PHC3: variants seen among roughly 807,000 people sequenced by gnomAD.
The protein encoded by PHC3 is polyhomeotic-like protein 3.
PHC3 carries 13 observed loss-of-function variants against 107.4 expected under a neutral mutation model. That is an observed-to-expected ratio of 0.12 (90% confidence interval 0.08 to 0.19). The LOEUF is 0.19. Ranked by LOEUF, PHC3 falls within the 10% of genes least tolerant of loss-of-function variation. The pLI is 1.00. For missense variants in PHC3, 992 were observed against 1,210.9 expected (o/e 0.82, Z 2.68); for synonymous variants, 456 against 427.4 (o/e 1.07, Z -0.83).
chr3:170,112,912 C>T (rs536823312), intron 11 of PHC3, among the ~76,000 whole-genome samples: 90 of 152,278 alleles, frequency 5.9e-4, no homozygotes, highest in African/African-American at 2.1e-3. Flanking sequence ...AGAGTATATA[C>T]TTAATACAAT....
chr3:170,179,350 C>T (rs1469226379), intron 1 of PHC3, among the ~76,000 whole-genome samples: 1 of 152,150 alleles, frequency 6.6e-6, no homozygotes, highest in African/African-American at 2.4e-5. Context: ...AAACTAAAGT[C>T]ATTCTTACCT....
At chr3:170,136,895 A>G (rs1723165464) in intron 6 of PHC3, among the ~76,000 whole-genome samples, 1 of 151,902 alleles carries the variant, frequency 6.6e-6, no homozygotes, top group African/African-American at 2.4e-5. Flanking sequence ...AGAGAAAAGA[A>G]AAGAGGGAGG....
intron 4 of PHC3, among the ~76,000 whole-genome samples, chr3:170,161,875 C>T (rs1727949977): frequency 6.6e-6 from 1 of 152,168 alleles, no homozygotes; most frequent in African/African-American, 2.4e-5. Flanking sequence ...ACTCTTATGA[C>T]TTCCTTTAAC....
rs966285797 is a variant in PHC3, at chr3:170,117,262, T to G, written c.2157A>C (p.Glu719Asp). 2 of 1,613,966 alleles carry G rather than the reference T, an allele frequency of 1.2e-6. No homozygotes were observed. Among genetic ancestry groups the G allele is most frequent in the Admixed American group, 1.7e-5 (1 of 60,016 alleles). Residue 719 changes from glutamate (E) to aspartate (D), a missense_variant, in exon 10 of 15, where the codon GAA (glutamate) becomes GAC (aspartate). Around this residue, in one of 6 missense-constraint regions of PHC3, gnomAD observed 4 missense variants for 21.5 expected, o/e 0.19. Coordinates refer to ENST00000495893, the MANE Select transcript of PHC3 (RefSeq NM_024947.4). ...CCAATCCCTCCTGAATCACAAAGCC[T>G]TCAATAACATGGGTTAGGATCTGTG... ...VKPQILTHVIEGFVIQEGLEP... is the reference protein window; with the variant it reads ...VKPQILTHVIDGFVIQEGLEP...
At chr3:170,121,912 T>C (rs1326244626) in intron 9 of PHC3, among the ~76,000 whole-genome samples, 1 of 152,222 alleles carries the variant, frequency 6.6e-6, no homozygotes, top group African/African-American at 2.4e-5. Flanking sequence ...GGTTTTCATC[T>C]GGATGGTACT....
intron 2 of PHC3, among the ~76,000 whole-genome samples, chr3:170,175,618 G>C (rs1360045974): frequency 7.0e-6 from 1 of 141,858 alleles, no homozygotes; most frequent in Non-Finnish European, 1.5e-5. Flanking sequence ...CACAGAGGGA[G>C]AGAAGAAAAA....
chr3:170,165,134 TCCCA>T (rs1343559259), intron 4 of PHC3, among the ~76,000 whole-genome samples: 17 of 152,220 alleles, frequency 1.1e-4, no homozygotes, highest in African/African-American at 3.9e-4. Context: ...GAGCCAGAAC[TCCCA>T]CCCCAGCTTA....
chr3:170,125,294 G>A (rs1212062121), intron 8 of PHC3, among the ~76,000 whole-genome samples: 1 of 152,074 alleles, frequency 6.6e-6, no homozygotes, highest in Admixed American at 6.6e-5. Flanking sequence ...AAAAGTGTCT[G>A]GGGGGTTAAG....
At chr3:170,139,479 G>GA (rs1428944541) in intron 6 of PHC3, among the ~76,000 whole-genome samples, 4 of 152,110 alleles carry the variant, frequency 2.6e-5, no homozygotes, top group Non-Finnish European at 5.9e-5. Flanking sequence ...GTAATAATCT[G>GA]AAAAACCTGA....
intron 4 of PHC3, among the ~76,000 whole-genome samples, chr3:170,154,178 C>A (rs1219616109): frequency 6.6e-6 from 1 of 152,070 alleles, no homozygotes. Context: ...CTTCATATAT[C>A]CAGTATCTAC....
chr3:170,088,035 T>C lies in PHC3; in HGVS notation c.*9195A>G, dbSNP rs962458669. On this transcript the variant is annotated 3_prime_UTR_variant, in exon 15 of 15. Coordinates refer to ENST00000495893, the MANE Select transcript of PHC3 (RefSeq NM_024947.4). ...GTTATACATTTTAAAACTGTAGCTA[T>C]CAACACCAATCTAGGAACTCTAATG... The C allele has an allele frequency of 5.3e-5, 8 of 152,208 alleles. No individual in the cohort carries two copies. Among genetic ancestry groups the C allele is most frequent in the African/African-American group, 1.9e-4 (8 of 41,466 alleles). 9.4% of individuals were successfully genotyped at this position (152,208 alleles called of 1,614,324 possible). A position where few individuals can be genotyped will look rare whatever the true frequency, so the allele number is the denominator to read the frequency against.
At chr3:170,127,639 TTAA>T (rs1328442576) in intron 8 of PHC3, among the ~76,000 whole-genome samples, 1 of 152,212 alleles carries the variant, frequency 6.6e-6, no homozygotes, top group Non-Finnish European at 1.5e-5. Flanking sequence ...AAAACAAGTA[TTAA>T]TAATAAAAAA....
chr3:170,126,504 G>GTGTATATATATA (rs1272456482), intron 8 of PHC3, among the ~76,000 whole-genome samples: 1 of 117,320 alleles, frequency 8.5e-6, no homozygotes, highest in Non-Finnish European at 1.7e-5. Context: ...TGCTCCATAT[G>GTGTATATATATA]TATATATATA....
At chr3:170,166,646 T>C (rs1398018975) in intron 4 of PHC3, among the ~76,000 whole-genome samples, 1 of 151,674 alleles carries the variant, frequency 6.6e-6, no homozygotes, top group Non-Finnish European at 1.5e-5. Context: ...GACAGTGCTA[T>C]ATGAAAGGGT....
intron 4 of PHC3, among the ~76,000 whole-genome samples, chr3:170,164,864 C>T (rs1042327217): frequency 1.3e-5 from 2 of 152,210 alleles, no homozygotes; most frequent in Non-Finnish European, 2.9e-5. Context: ...AATTACTCTA[C>T]TCCAACCAAA....
Position 170,102,852 on chromosome 3 carries a change from G to A in PHC3, c.2551C>T (p.Arg851Cys), listed in dbSNP as rs749833116. Reference sequence around the variant, plus strand: ...GCCCCATCAGGGCCACTTGGACGACGGCCACGATGCCCAAGACTTTGATTA... The same window carrying A: ...GCCCCATCAGGGCCACTTGGACGACAGCCACGATGCCCAAGACTTTGATTA... Reference protein sequence around the residue: ...PDNQSLGHRGRRPSGPDGAAR... With the variant: ...PDNQSLGHRGCRPSGPDGAAR... Residue 851 changes from arginine (R) to cysteine (C), a missense_variant, in exon 13 of 15, where the codon CGT becomes TGT. By Grantham distance (180) the Arg-to-Cys change is radical. Around this residue, in one of 6 missense-constraint regions of PHC3, gnomAD observed 228 missense variants for 288.8 expected, o/e 0.79. Coordinates refer to ENST00000495893, the MANE Select transcript of PHC3 (RefSeq NM_024947.4). The A allele has an allele frequency of 1.7e-5, 28 of 1,613,694 alleles. No individual in the cohort carries two copies. The highest frequency in any genetic ancestry group is 4.4e-5 in the South Asian group (4 of 91,084).
intron 4 of PHC3, among the ~76,000 whole-genome samples, chr3:170,166,083 C>T (rs372549668): frequency 2.0e-4 from 30 of 151,964 alleles, no homozygotes; most frequent in African/African-American, 5.8e-4. Context: ...CTTGCTCTAC[C>T]GCCCAGGATG....
At chr3:170,134,351 G>A (rs191431495) in intron 7 of PHC3, among the ~76,000 whole-genome samples, 7 of 151,958 alleles carry the variant, frequency 4.6e-5, no homozygotes, top group Non-Finnish European at 7.4e-5. Context: ...CACTACGCAC[G>A]GCTAATTTTT....
At chr3:170,121,217 C>T (rs1720220708) in intron 9 of PHC3, among the ~76,000 whole-genome samples, 1 of 151,974 alleles carries the variant, frequency 6.6e-6, no homozygotes, top group African/African-American at 2.4e-5. Context: ...TGGAGAGCAC[C>T]TATAGTACCA....
Sources: allele counts gnomAD v4.1 joint callset (sites outside exome capture counted in the v4.1 genomes callset), GRCh38; gene constraint gnomAD v4.1.1; regional missense constraint gnomAD v4.1.1; transcripts MANE v1.5; gene names NCBI Gene and HGNC (gene_info 2026-07-23, HGNC 2026-07-21).